Variants in DDX21 observed in about 807,000 individuals in gnomAD.
DDX21 encodes the protein DExD-box helicase 21, also known as nucleolar RNA helicase 2.
Under a neutral mutation model 90.0 loss-of-function variants are expected in DDX21, and 18 were observed. The ratio of observed to expected loss-of-function variants is 0.20; its 90% CI spans 0.14 to 0.30. The LOEUF is 0.30. DDX21 is among the 10% of genes least tolerant of loss of function. DDX21 has a pLI of 1.00. For synonymous variants in DDX21, 294 were observed against 318.0 expected, an observed-to-expected ratio of 0.92 and a Z score of 0.80; for missense variants, 673 against 944.5, an observed-to-expected ratio of 0.71 and a Z score of 3.77.
At chr10:68,979,347 G>T (rs576007331) in intron 13 of DDX21, among the ~76,000 whole-genome samples, 1 of 152,128 alleles carries the variant, frequency 6.6e-6, no homozygotes, top group Non-Finnish European at 1.5e-5. Context: ...CAAACCTGGT[G>T]TTCTTTCTTC....
At chr10:68,964,363 C>T (rs1237529351) in intron 4 of DDX21, among the ~76,000 whole-genome samples, 1 of 152,170 alleles carries the variant, frequency 6.6e-6, no homozygotes, top group Non-Finnish European at 1.5e-5. Flanking sequence ...AATTTGTTTA[C>T]TGCTATATCC....
In DDX21 at chr10:68,969,058, A is replaced by T. The variant is rs1842983522; in HGVS notation, c.1173A>T (p.Lys391Asn). ...TTAATGTTGCCAAGAAATACATGAA[A>T]TCTACATATGAACAGGTGGACCTGA... ...WVFNVAKKYM[K>N]STYEQVDLIG... The change falls in exon 7 of 15, where the codon AAA becomes AAT. Residue 391 changes from lysine (K) to asparagine (N), a missense_variant. By Grantham distance (94) the Lys-to-Asn change is moderately conservative (BLOSUM62 0). Transcript: ENST00000354185. 2 of 1,614,006 alleles carry T rather than the reference A, an allele frequency of 1.2e-6. No homozygotes were observed. Among genetic ancestry groups the T allele is most frequent in the Non-Finnish European group, 1.7e-6 (2 of 1,180,016 alleles).
In DDX21 at chr10:68,958,673, G is replaced by A. The variant is rs558224365; in HGVS notation, c.88-1133G>A. 2.0e-4 allele frequency among the ~76,000 whole-genome samples: 31 copies of A among 152,188 alleles called. 1 individual carries two copies. The South Asian group carries it at 5.4e-3, about 27-fold the overall frequency. ...AGGATGGTCTCCTTCTCCTGACCTC[G>A]TGATTCGCCCTCCTTGGCCTCCCAA... On this transcript the variant is annotated intron_variant, in intron 1 of 14. Coordinates refer to ENST00000354185, the MANE Select transcript of DDX21 (RefSeq NM_004728.4).
At chr10:68,963,201 C>G in intron 3 of DDX21, 90 bp from the exon 4 acceptor site, 1 of 1,309,968 alleles carries the variant, frequency 7.6e-7, no homozygotes, top group Non-Finnish European at 1.0e-6. Flanking sequence ...TTCTGCAGGA[C>G]CAGAAGCATG....
At chr10:68,978,368 A>C (rs937794294) in intron 12 of DDX21, among the ~76,000 whole-genome samples, 40 of 152,180 alleles carry the variant, frequency 2.6e-4, no homozygotes, top group African/African-American at 9.7e-4. Context: ...TATACTTTCA[A>C]ATGGTGAATT....
chr10:68,967,468 C>G (rs973077306), intron 6 of DDX21, among the ~76,000 whole-genome samples: 6 of 152,002 alleles, frequency 3.9e-5, no homozygotes, highest in African/African-American at 1.5e-4. Context: ...TGCGCCTGGC[C>G]TGGTGACTAA....
intron 9 of DDX21, 57 bp downstream of exon 9, chr10:68,972,109 A>G: frequency 6.5e-7 from 1 of 1,547,996 alleles, no homozygotes; most frequent in Non-Finnish European, 8.8e-7. Context: ...TATTAAAACA[A>G]ATTGGAAATT....
intron 1 of DDX21, among the ~76,000 whole-genome samples, chr10:68,956,923 T>C (rs1437981960): frequency 1.3e-5 from 2 of 151,650 alleles, no homozygotes; most frequent in East Asian, 1.9e-4. Flanking sequence ...GCGCCTGTAG[T>C]CCCAGCTACT....
chr10:68,978,710 T>G (rs1843142267), intron 12 of DDX21, 132 bp from the exon 13 acceptor site: 1 of 1,194,752 alleles, frequency 8.4e-7, no homozygotes, highest in Non-Finnish European at 1.2e-6. Context: ...CTGTTCGTAC[T>G]AATTGTTTGT....
intron 1 of DDX21, among the ~76,000 whole-genome samples, chr10:68,958,060 ATGAG>A (rs997305766): frequency 2.0e-5 from 3 of 152,144 alleles, no homozygotes; most frequent in African/African-American, 7.2e-5. Context: ...TTTTTTACAC[ATGAG>A]TGATAGACTG....
chr10:68,970,128 C>G, intron 7 of DDX21, 73 bp from the exon 8 acceptor site: 2 of 1,405,652 alleles, frequency 1.4e-6, no homozygotes, highest in African/African-American at 1.4e-5. Context: ...GTTGTGCTCA[C>G]TGATCATTGT....
rs1274889946 is a variant in DDX21 at position 68,982,697 on chromosome 10, G to A, written c.2237G>A (p.Gly746Glu). Residue 746 changes from glycine (G) to glutamate (E), a missense_variant, in exon 15 of 15, where the codon GGA (glycine) becomes GAA (glutamate). This residue lies in a region of DDX21 where 225 missense variants were observed against 298.8 expected (regional missense o/e 0.75). Coordinates refer to ENST00000354185, the MANE Select transcript of DDX21 (RefSeq NM_004728.4). Reference protein sequence around the residue: ...GQRDGNRRFRGQREGSRGPRG... With the variant: ...GQRDGNRRFREQREGSRGPRG... Reference sequence around the variant, plus strand: ...CGGGACGGAAACAGAAGATTCAGAGGACAGCGGGAAGGCAGTAGAGGCCCG... The same window carrying A: ...CGGGACGGAAACAGAAGATTCAGAGAACAGCGGGAAGGCAGTAGAGGCCCG... 1 of 1,613,970 alleles carries A rather than the reference G, an allele frequency of 6.2e-7. No homozygotes were observed. Among genetic ancestry groups the A allele is most frequent in the Non-Finnish European group, 8.5e-7 (1 of 1,180,034 alleles).
At chr10:68,981,471 G>A (rs762179098) in intron 13 of DDX21, 66 bp from the exon 14 acceptor site, 4 of 1,344,520 alleles carry the variant, frequency 3.0e-6, no homozygotes, top group Non-Finnish European at 4.2e-6. Context: ...AGAATACGTG[G>A]TCTTTTAAAG....
chr10:68,973,141 G>A (rs770241357), intron 9 of DDX21, among the ~76,000 whole-genome samples: 1 of 152,078 alleles, frequency 6.6e-6, no homozygotes, highest in Admixed American at 6.6e-5. Context: ...GTTGCAGTGA[G>A]CTGAGATCAT....
chr10:68,956,248 A>G lies in DDX21; in HGVS notation c.23A>G (p.Asp8Gly). 1 of 1,614,110 alleles carries G rather than the reference A, an allele frequency of 6.2e-7. No individual in the cohort carries two copies. The highest frequency in any genetic ancestry group is 8.5e-7 in the Non-Finnish European group (1 of 1,179,996). The change falls in exon 1 of 15, where the codon GAC (aspartate) becomes GGC (glycine). Residue 8 changes from aspartate (D) to glycine (G), a missense_variant. This residue lies in a region of DDX21 where 204 missense variants were observed against 221.6 expected (regional missense o/e 0.92). Transcript: ENST00000354185. MPGKLRS[D>G]AGLESDTAMK... ...AAGATGCCGGGAAAACTCCGTAGTG[A>G]CGCTGGTTTGGAATCAGACACCGCA...
chr10:68,957,954 A>C (rs1226393546), intron 1 of DDX21, among the ~76,000 whole-genome samples: 1 of 152,150 alleles, frequency 6.6e-6, no homozygotes, highest in Non-Finnish European at 1.5e-5. Context: ...CAGAAAGTTC[A>C]AATAGGAGCC....
At chr10:68,971,780 C>T in intron 8 of DDX21, 111 bp from the exon 9 acceptor site, 2 of 1,039,230 alleles carry the variant, frequency 1.9e-6, no homozygotes, top group Non-Finnish European at 2.8e-6. Context: ...GTAATGTTTT[C>T]AACAGGCATG....
rs952504702 is a variant in DDX21, at chr10:68,966,165, A to G, written c.904+671A>G. 2.0e-4 allele frequency among the ~76,000 whole-genome samples: 31 copies of G among 151,344 alleles called. 1 individual carries two copies. The highest frequency in any genetic ancestry group is 2.2e-4 in the Non-Finnish European group (15 of 67,848). Reference sequence around the variant, plus strand: ...CAAAAAATTAGCCGGGCGTGGTGGCAGGCACCTGTAGTCCCAGCTACTCGG... The same window carrying G: ...CAAAAAATTAGCCGGGCGTGGTGGCGGGCACCTGTAGTCCCAGCTACTCGG... On this transcript the variant is annotated intron_variant, in intron 5 of 14. Coordinates refer to ENST00000354185, the MANE Select transcript of DDX21 (RefSeq NM_004728.4).
chr10:68,973,092 G>A (rs1843049403), intron 9 of DDX21, among the ~76,000 whole-genome samples: 1 of 152,126 alleles, frequency 6.6e-6, no homozygotes, highest in South Asian at 2.1e-4. Flanking sequence ...CTACTTGGGA[G>A]GCTGAGACAG....
Sources: allele counts gnomAD v4.1 joint callset (sites outside exome capture counted in the v4.1 genomes callset), GRCh38; gene constraint gnomAD v4.1.1; regional missense constraint gnomAD v4.1.1; transcripts MANE v1.5; gene names NCBI Gene and HGNC (gene_info 2026-07-23, HGNC 2026-07-21).